Variants in MACROD2 observed in about 807,000 individuals in gnomAD.
The protein encoded by MACROD2 is mono-ADP ribosylhydrolase 2.
A neutral mutation model predicts 70.4 loss-of-function variants in MACROD2; 36 were observed. The ratio of observed to expected loss-of-function variants is 0.51; its 90% CI spans 0.39 to 0.68. MACROD2 has a LOEUF of 0.68. Among genes scored for constraint, MACROD2 ranks in the 30% least tolerant of loss-of-function variants. MACROD2 has a pLI of 0.00. For synonymous variants in MACROD2, 172 were observed against 178.8 expected (o/e 0.96, Z 0.30); for missense variants, 496 against 538.4 (o/e 0.92, Z 0.78).
chr20:15,766,704 C>T (rs1274462606), intron 8 of MACROD2, among the ~76,000 whole-genome samples: 1 of 152,176 alleles, frequency 6.6e-6, no homozygotes, highest in Non-Finnish European at 1.5e-5. Flanking sequence ...CTTAGACGAT[C>T]GATGGCGATG....
intron 5 of MACROD2, among the ~76,000 whole-genome samples, chr20:14,976,013 G>A (rs1039089885): frequency 5.3e-5 from 8 of 152,176 alleles, no homozygotes; most frequent in Admixed American, 1.3e-4. Context: ...TCTTGGCAGA[G>A]GCCAGCATAG....
chr20:15,200,610 T>C (rs959831741), intron 5 of MACROD2, among the ~76,000 whole-genome samples: 12 of 152,202 alleles, frequency 7.9e-5, no homozygotes, highest in African/African-American at 2.9e-4. Context: ...CTAGCAATCA[T>C]TACAGTTTAT....
At chr20:14,020,055 G>C (rs1326499992) in intron 2 of MACROD2, among the ~76,000 whole-genome samples, 1 of 152,160 alleles carries the variant, frequency 6.6e-6, no homozygotes, top group Non-Finnish European at 1.5e-5. Flanking sequence ...AGGGCAGTTT[G>C]GAGGTTAAAC....
At chr20:14,980,586 C>A (rs2074787916) in intron 5 of MACROD2, among the ~76,000 whole-genome samples, 1 of 152,150 alleles carries the variant, frequency 6.6e-6, no homozygotes, top group Admixed American at 6.5e-5. Context: ...GAAACAATGA[C>A]AACTTATGTA....
At chr20:14,050,087 CAAA>C (rs759223916) in intron 2 of MACROD2, among the ~76,000 whole-genome samples, 3 of 85,858 alleles carry the variant, frequency 3.5e-5, no homozygotes, top group Admixed American at 1.3e-4. Context: ...ACTCCCATCT[CAAA>C]AAAAAAAAAA....
chr20:15,636,089 A>AAAAAAAAAAAAAAAAAAAAAAAAAAAAG (rs1459679844), intron 8 of MACROD2, among the ~76,000 whole-genome samples: 1 of 134,982 alleles, frequency 7.4e-6, no homozygotes, highest in Non-Finnish European at 1.6e-5. Flanking sequence ...AAAAAAAAAA[A>AAAAAAAAAAAAAAAAAAAAAAAAAAAAG]AAAGAAAGAA....
intron 5 of MACROD2, among the ~76,000 whole-genome samples, chr20:14,862,352 T>A (rs1260308626): frequency 1.2e-4 from 2 of 17,260 alleles, no homozygotes; most frequent in Non-Finnish European, 1.9e-4. Flanking sequence ...TATATAAAAA[T>A]ATATATATAA....
chr20:14,164,999 A>G lies in MACROD2; in HGVS notation c.271+79271A>G, dbSNP rs556659678. Among the ~76,000 whole-genome samples the G allele has an allele frequency of 2.6e-5, 4 of 152,248 alleles. No individual in the cohort carries two copies. In the South Asian group the frequency reaches 8.3e-4, roughly 32 times the overall value. On this transcript the variant is annotated intron_variant, in intron 3 of 17. Coordinates refer to ENST00000684519, the MANE Select transcript of MACROD2 (RefSeq NM_001351661.2). ...CTGCTGCTGGGGTGAGGTTGCTGCC[A>G]GTGGCTCCTGCATTGGCCCTGGCAG...
intron 4 of MACROD2, among the ~76,000 whole-genome samples, chr20:14,680,220 T>C (rs1489231345): frequency 6.6e-6 from 1 of 152,222 alleles, no homozygotes; most frequent in Non-Finnish European, 1.5e-5. Flanking sequence ...GAATCCTTGG[T>C]TGAGTCTATG....
At chr20:15,375,574 C>A (rs917830906) in intron 6 of MACROD2, among the ~76,000 whole-genome samples, 2 of 151,994 alleles carry the variant, frequency 1.3e-5, no homozygotes, top group Non-Finnish European at 2.9e-5. Flanking sequence ...CTATTAAAGG[C>A]TTGGATCAGA....
At chr20:14,373,239 G>A in intron 3 of MACROD2, among the ~76,000 whole-genome samples, 1 of 152,026 alleles carries the variant, frequency 6.6e-6, no homozygotes, top group South Asian at 2.1e-4. Context: ...TAGTGCCCTT[G>A]CTTTTCCATG....
At chr20:14,020,333 C>T (rs953068001) in intron 2 of MACROD2, among the ~76,000 whole-genome samples, 13 of 152,108 alleles carry the variant, frequency 8.5e-5, no homozygotes, top group African/African-American at 2.9e-4. Flanking sequence ...ATTAGCCAGT[C>T]GTGGTGGCAC....
At position 15,300,234 on chromosome 20, in the gene MACROD2, G is replaced by A. The variant is rs118191554; in HGVS notation, c.540+70173G>A. ...AGTTTTAGTTACCTAAAGCCTCCACGTATTTGTAATTCATATTTAGGCCTT... is the reference window on the plus strand; with the variant it reads ...AGTTTTAGTTACCTAAAGCCTCCACATATTTGTAATTCATATTTAGGCCTT... On this transcript the variant is annotated intron_variant, in intron 6 of 17. Transcript: ENST00000684519. Among the ~76,000 whole-genome samples, 513 of 152,158 alleles carry A rather than the reference G, an allele frequency of 3.4e-3. 3 individuals are homozygous for A. The South Asian group carries it at 0.036, about 11-fold the overall frequency.
intron 12 of MACROD2, among the ~76,000 whole-genome samples, chr20:15,941,459 G>A (rs1402841802): frequency 6.6e-6 from 1 of 151,590 alleles, no homozygotes; most frequent in Admixed American, 6.6e-5. Context: ...TAATGCTTAT[G>A]GAACTATCAT....
rs1253991310 is a variant in MACROD2, at chr20:14,529,834, T to C, written c.301+36326T>C. Reference sequence around the variant, plus strand: ...TTAATATTAGTATATCAATGTTTAATATATGGCAGTGGTTTCAGAAAGATT... The same window carrying C: ...TTAATATTAGTATATCAATGTTTAACATATGGCAGTGGTTTCAGAAAGATT... On this transcript the variant is annotated intron_variant, in intron 4 of 17. Coordinates refer to ENST00000684519, the MANE Select transcript of MACROD2 (RefSeq NM_001351661.2). 3.9e-5 allele frequency among the ~76,000 whole-genome samples: 6 copies of C among 152,334 alleles called. No individual in the cohort carries two copies. In the East Asian group the frequency reaches 9.6e-4, roughly 24 times the overall value.
intron 3 of MACROD2, among the ~76,000 whole-genome samples, chr20:14,462,960 A>G (rs1384276725): frequency 6.6e-6 from 1 of 152,106 alleles, no homozygotes; most frequent in Non-Finnish European, 1.5e-5. Context: ...GTTTGAAGTC[A>G]GGTAGCATGA....
chr20:15,061,064 A>AG, intron 5 of MACROD2, among the ~76,000 whole-genome samples: 2 of 152,278 alleles, frequency 1.3e-5, no homozygotes, highest in Middle Eastern at 6.8e-3. Context: ...ATTGCTGATG[A>AG]GGGGGGACAG....
chr20:15,754,546 G>T (rs537957528), intron 8 of MACROD2, among the ~76,000 whole-genome samples: 2 of 151,860 alleles, frequency 1.3e-5, no homozygotes, highest in South Asian at 2.1e-4. Flanking sequence ...GGAGGCAGAG[G>T]TTGCAGTGAT....
At chr20:14,612,783 T>A (rs1039935420) in intron 4 of MACROD2, among the ~76,000 whole-genome samples, 5 of 152,130 alleles carry the variant, frequency 3.3e-5, no homozygotes, top group African/African-American at 1.2e-4. Flanking sequence ...TTTGCATAAT[T>A]TTTTAAATTC....
Sources: gnomAD v4.1 joint callset for allele counts (sites outside exome capture counted in the v4.1 genomes callset) on GRCh38, gnomAD v4.1.1 for gene constraint, MANE v1.5 for transcripts, NCBI Gene and HGNC (gene_info 2026-07-23, HGNC 2026-07-21) for gene names.